Variants in EXOC4 observed in about 807,000 individuals in gnomAD.
EXOC4 encodes exocyst complex component 4.
EXOC4 carries 71 observed loss-of-function variants against 107.2 expected under a neutral mutation model. The ratio of observed to expected loss-of-function variants is 0.66; its 90% CI spans 0.55 to 0.81. EXOC4 has a LOEUF of 0.81. EXOC4 is among the 30% of genes least tolerant of loss of function. The pLI, the probability that EXOC4 is intolerant of heterozygous loss-of-function variation, is 0.00. For missense variants in EXOC4, 1,108 were observed against 1,189.6 expected (o/e 0.93, Z 1.01); for synonymous variants, 456 against 441.2 (o/e 1.03, Z -0.42).
intron 10 of EXOC4, among the ~76,000 whole-genome samples, chr7:133,752,019 TG>T (rs1222485143): frequency 1.1e-5 from 1 of 94,988 alleles, no homozygotes; most frequent in African/African-American, 2.9e-5. Flanking sequence ...ATAAATTATC[TG>T]GGCACTGTGG....
chr7:133,636,035 G>A (rs1264493435), intron 10 of EXOC4, among the ~76,000 whole-genome samples: 1 of 152,216 alleles, frequency 6.6e-6, no homozygotes, highest in African/African-American at 2.4e-5. Flanking sequence ...GTATGAGAGA[G>A]AGAGAAACTA....
At chr7:133,498,462 G>C (rs1017143956) in intron 9 of EXOC4, among the ~76,000 whole-genome samples, 1 of 152,154 alleles carries the variant, frequency 6.6e-6, no homozygotes, top group Non-Finnish European at 1.5e-5. Context: ...GCAGGCACCT[G>C]TAGTCCCAGC....
chr7:133,930,178 T>G (rs1800144919), intron 13 of EXOC4, among the ~76,000 whole-genome samples: 1 of 152,194 alleles, frequency 6.6e-6, no homozygotes. Flanking sequence ...CAGGAATTCT[T>G]TTTGGAAAGT....
intron 4 of EXOC4, among the ~76,000 whole-genome samples, chr7:133,306,534 CA>C (rs1794757795): frequency 6.6e-6 from 1 of 151,622 alleles, no homozygotes; most frequent in Non-Finnish European, 1.5e-5. Context: ...TCTGTCTCTA[CA>C]AAAAAAGGGC....
intron 10 of EXOC4, among the ~76,000 whole-genome samples, chr7:133,749,955 GTTTTTTTTTTT>G (rs56902982): frequency 1.1e-4 from 7 of 62,102 alleles, no homozygotes; most frequent in East Asian, 1.1e-3. Context: ...GTGGTTGGCA[GTTTTTTTTTTT>G]TTTTTTTTTT....
chr7:133,359,060 A>G (rs187605988), intron 6 of EXOC4, among the ~76,000 whole-genome samples: 3 of 152,324 alleles, frequency 2.0e-5, no homozygotes, highest in African/African-American at 7.2e-5. Flanking sequence ...AAAACATACA[A>G]ATTCAAGATT....
At chr7:133,328,596 A>T (rs1379798196) in intron 5 of EXOC4, among the ~76,000 whole-genome samples, 1 of 151,892 alleles carries the variant, frequency 6.6e-6, no homozygotes, top group Non-Finnish European at 1.5e-5. Flanking sequence ...CTTCCTCTGG[A>T]CTTTTGTAAG....
intron 7 of EXOC4, among the ~76,000 whole-genome samples, chr7:133,423,876 C>T (rs147833141): frequency 9.8e-4 from 150 of 152,286 alleles, no homozygotes; most frequent in African/African-American, 3.2e-3. Flanking sequence ...GATAGGGGGA[C>T]GAGCTCCCTC....
intron 7 of EXOC4, among the ~76,000 whole-genome samples, chr7:133,401,794 G>A (rs1454074191): frequency 1.3e-5 from 2 of 151,528 alleles, no homozygotes; most frequent in South Asian, 4.2e-4. Flanking sequence ...CTTGACATAA[G>A]TTTACCTTCT....
intron 9 of EXOC4, among the ~76,000 whole-genome samples, chr7:133,493,616 A>G (rs1389267097): frequency 2.6e-5 from 4 of 152,172 alleles, no homozygotes; most frequent in Non-Finnish European, 4.4e-5. Context: ...AGTAAGTTCT[A>G]GTAGTATCTC....
intron 10 of EXOC4, among the ~76,000 whole-genome samples, chr7:133,765,459 G>T (rs1796116497): frequency 6.6e-6 from 1 of 151,966 alleles, no homozygotes; most frequent in African/African-American, 2.4e-5. Flanking sequence ...TGGTAGGCTT[G>T]GGAATTGAAA....
chr7:133,685,061 A>G (rs1009005259), intron 10 of EXOC4, among the ~76,000 whole-genome samples: 4 of 152,196 alleles, frequency 2.6e-5, no homozygotes, highest in East Asian at 1.9e-4. Context: ...TGTTCTTCCC[A>G]TGGATAAAGT....
chr7:133,633,793 T>C (rs1239639793), intron 10 of EXOC4, among the ~76,000 whole-genome samples: 1 of 152,136 alleles, frequency 6.6e-6, no homozygotes, highest in Non-Finnish European at 1.5e-5. Context: ...TTAAACATTG[T>C]ATCATTTTTT....
At chr7:133,500,862 A>G (rs1799562172) in intron 9 of EXOC4, among the ~76,000 whole-genome samples, 1 of 152,186 alleles carries the variant, frequency 6.6e-6, no homozygotes, top group Non-Finnish European at 1.5e-5. Flanking sequence ...TTGATGTAGG[A>G]GGCCACACAA....
intron 7 of EXOC4, among the ~76,000 whole-genome samples, chr7:133,439,419 A>G (rs928171768): frequency 4.0e-5 from 6 of 151,786 alleles, no homozygotes; most frequent in Non-Finnish European, 8.8e-5. Context: ...TCTTGACTTC[A>G]TGATCTGCCT....
chr7:133,342,325 G>C (rs1795681560), intron 5 of EXOC4, among the ~76,000 whole-genome samples: 1 of 152,068 alleles, frequency 6.6e-6, no homozygotes, highest in Admixed American at 6.5e-5. Context: ...GAAATTGTTG[G>C]CTGATAATTG....
At chr7:133,500,096 G>T (rs1164874743) in intron 9 of EXOC4, among the ~76,000 whole-genome samples, 1 of 151,996 alleles carries the variant, frequency 6.6e-6, no homozygotes, top group Non-Finnish European at 1.5e-5. Context: ...ATTATATAGG[G>T]TTTGCAAAAT....
intron 9 of EXOC4, among the ~76,000 whole-genome samples, chr7:133,569,232 G>C (rs983294462): frequency 6.6e-6 from 1 of 152,038 alleles, no homozygotes. Context: ...AAATTGCCAG[G>C]TGATAACAAT....
intron 10 of EXOC4, among the ~76,000 whole-genome samples, chr7:133,734,287 T>G (rs1409407584): frequency 2.6e-5 from 4 of 152,212 alleles, no homozygotes; most frequent in African/African-American, 9.6e-5. Context: ...GAATTTAAAA[T>G]TAAACCTTTT....
Sources: allele counts gnomAD v4.1 joint callset (sites outside exome capture counted in the v4.1 genomes callset), GRCh38; gene constraint gnomAD v4.1.1; transcripts MANE v1.5; gene names NCBI Gene and HGNC (gene_info 2026-07-23, HGNC 2026-07-21).